MRPS23: variants seen among roughly 807,000 people sequenced by gnomAD.
MRPS23 encodes mitochondrial ribosomal protein S23.
A neutral mutation model predicts 19.8 loss-of-function variants in MRPS23; 14 were observed. The ratio of observed to expected loss-of-function variants is 0.71; its 90% CI spans 0.47 to 1.11. MRPS23 has a LOEUF of 1.11. MRPS23 is among the 50% of genes least tolerant of loss of function. The probability of loss-of-function intolerance (pLI) is 0.00; values close to 1 mark genes in which losing one functional copy is unlikely to be tolerated. For missense variants in MRPS23, 242 were observed against 236.7 expected, an observed-to-expected ratio of 1.02 and a Z score of -0.15; for synonymous variants, 113 against 89.7, an observed-to-expected ratio of 1.26 and a Z score of -1.47.
rs564603396 is a variant in MRPS23 at position 57,839,115 on chromosome 17, G to C, written c.*668C>G. The C allele has an allele frequency of 3.9e-5, 6 of 152,290 alleles. No homozygotes were observed. Among genetic ancestry groups the C allele is most frequent in the Non-Finnish European group, 5.9e-5 (4 of 68,034 alleles). The allele number at this position is 152,290 out of a possible 1,614,324, so 9.4% of individuals were successfully genotyped here. On this transcript the variant is annotated 3_prime_UTR_variant, in exon 5 of 5. Transcript: ENST00000313608. ...ACCATATGAATCCAGTCTTTAGCTG[G>C]ATATAACCATTCGTTCACTCATTCA...
Position 57,838,362 on chromosome 17 carries a change from G to A in MRPS23, c.*1421C>T, listed in dbSNP as rs1216310478. 2.1e-5 allele frequency: 3 copies of A among 141,000 alleles called. No homozygotes were observed. The highest frequency in any genetic ancestry group is 7.8e-5 in the African/African-American group (3 of 38,560). 8.7% of individuals were successfully genotyped at this position (141,000 alleles called of 1,614,324 possible). A position where few individuals can be genotyped will look rare whatever the true frequency, so the allele number is the denominator to read the frequency against. ...GAAAACAAACAAAAATAGCAAAAAT[G>A]GGACATCAATCCAGACATGAAGGAA... On this transcript the variant is annotated 3_prime_UTR_variant, in exon 5 of 5. Transcript: ENST00000313608.
intron 1 of MRPS23, 90 bp from the exon 2 acceptor site, chr17:57,849,500 T>G: frequency 6.8e-7 from 1 of 1,469,780 alleles, no homozygotes; most frequent in Non-Finnish European, 9.2e-7. Flanking sequence ...ACATTAAAGG[T>G]ATTATGCGGT....
intron 2 of MRPS23, among the ~76,000 whole-genome samples, chr17:57,841,594 T>G (rs1423260416): frequency 6.6e-6 from 1 of 152,254 alleles, no homozygotes; most frequent in African/African-American, 2.4e-5. Context: ...ATATATGCAC[T>G]ATCATTCCCT....
In MRPS23 at chr17:57,837,710, A is replaced by T. The variant is rs1046709134; in HGVS notation, c.*2073T>A. 1 of 152,292 alleles carries T rather than the reference A, an allele frequency of 6.6e-6. No individual in the cohort carries two copies. The allele number at this position is 152,292 out of a possible 1,614,324, so 9.4% of individuals were successfully genotyped here. The stretch of plus-strand genomic sequence containing the variant: ...CCCCAGTACGGTCGCTCAGGCCTGT[A>T]ATCCCAGCACTTTGGGCGGCTGAGG... On this transcript the variant is annotated 3_prime_UTR_variant, in exon 5 of 5. Coordinates refer to ENST00000313608, the MANE Select transcript of MRPS23 (RefSeq NM_016070.4).
chr17:57,847,742 GCTGGAGTGCAGTGGTGCACTCTCAGCTCA>G (rs1203667293), intron 2 of MRPS23, among the ~76,000 whole-genome samples: 6 of 150,254 alleles, frequency 4.0e-5, no homozygotes, highest in African/African-American at 1.5e-4. Flanking sequence ...TGTTGCCCAG[GCTGGAGTGCAGTGGTGCACTCTCAGCTCA>G]CTGCAACCTC....
intron 2 of MRPS23, among the ~76,000 whole-genome samples, chr17:57,846,640 T>C (rs578143955): frequency 6.6e-6 from 1 of 152,160 alleles, no homozygotes; most frequent in Non-Finnish European, 1.5e-5. Context: ...CTCTGAAACA[T>C]GTGCTGTGTC....
intron 1 of MRPS23, 101 bp from the exon 2 acceptor site, chr17:57,849,511 C>T: frequency 7.2e-7 from 1 of 1,395,048 alleles, no homozygotes; most frequent in Admixed American, 2.2e-5. Flanking sequence ...ATTATGCGGT[C>T]TGCAACACAG....
intron 2 of MRPS23, among the ~76,000 whole-genome samples, chr17:57,844,821 A>G (rs1369947162): frequency 2.0e-5 from 3 of 151,966 alleles, no homozygotes; most frequent in African/African-American, 4.8e-5. Context: ...GGACAAGTAA[A>G]CTATTCCACA....
At chr17:57,848,337 AAGAG>A (rs1358373532) in intron 2 of MRPS23, among the ~76,000 whole-genome samples, 1 of 148,992 alleles carries the variant, frequency 6.7e-6, no homozygotes, top group African/African-American at 2.4e-5. Flanking sequence ...AAGAAAAAAA[AAGAG>A]AAAAGGGATG....
intron 2 of MRPS23, among the ~76,000 whole-genome samples, chr17:57,844,168 A>T (rs1288456007): frequency 6.8e-6 from 1 of 146,840 alleles, no homozygotes; most frequent in Non-Finnish European, 1.5e-5. Flanking sequence ...CCATGTTGCC[A>T]GGCTGTTGTG....
chr17:57,840,982 C>T lies in MRPS23; in HGVS notation c.364G>A (p.Gly122Arg). ...TDEEKLFVET[G>R]KALLAEGVIL... is the part of the protein sequence containing the mutation. ...ACACCTTCTGCCAATAAAGCCTTCC[C>T]TGTTTCCACAAATAACTTCTCTTCA... The change falls in exon 4 of 5, where the codon GGG (glycine) becomes AGG (arginine). Residue 122 changes from glycine (G) to arginine (R), a missense_variant. Transcript: ENST00000313608. 6.2e-7 allele frequency: 1 copy of T among 1,614,216 alleles called. No homozygotes were observed. Among genetic ancestry groups the T allele is most frequent in the Non-Finnish European group, 8.5e-7 (1 of 1,180,046 alleles).
In MRPS23 at chr17:57,849,351, T is replaced by C; in HGVS notation, c.104A>G (p.Tyr35Cys). Residue 35 changes from tyrosine (Y) to cysteine (C), a missense_variant, in exon 2 of 5, where the codon TAT (tyrosine) becomes TGT (cysteine). By Grantham distance (194) the Tyr-to-Cys change is radical. Coordinates refer to ENST00000313608, the MANE Select transcript of MRPS23 (RefSeq NM_016070.4). ...CTCCCTCAGCGGGGGAAAGGCGTCATATACGTCAAACCACAGGGGCTTCTC... is the reference window on the plus strand; with the variant it reads ...CTCCCTCAGCGGGGGAAAGGCGTCACATACGTCAAACCACAGGGGCTTCTC... ...LKEKPLWFDV[Y>C]DAFPPLREPV... is the part of the protein sequence containing the mutation. 1 of 1,614,166 alleles carries C rather than the reference T, an allele frequency of 6.2e-7. No homozygotes were observed.
Position 57,849,256 on chromosome 17 carries a change from C to G in MRPS23, c.199G>C (p.Glu67Gln), listed in dbSNP as rs765967411. Residue 67 changes from glutamate to glutamine, a missense_variant, in exon 2 of 5, where the codon GAG (glutamate) becomes CAG (glutamine). Coordinates refer to ENST00000313608, the MANE Select transcript of MRPS23 (RefSeq NM_016070.4). ...AGCACTCACGCTCTAATCCGATCCT[C>G]GTGGTACCAGATGTCTTGGATGGGA... is the stretch of plus-strand genomic sequence containing the variant. ...KAPIQDIWYH[E>Q]DRIRAKFYSV... The G allele has an allele frequency of 5.0e-6, 8 of 1,614,120 alleles. No individual in the cohort carries two copies. The highest frequency in any genetic ancestry group is 2.7e-5 in the African/African-American group (2 of 74,952).
chr17:57,842,699 C>A (rs1038311682), intron 2 of MRPS23, among the ~76,000 whole-genome samples: 1 of 151,814 alleles, frequency 6.6e-6, no homozygotes. Context: ...AGGTAATATA[C>A]GAGCACCTAT....
At position 57,839,326 on chromosome 17, in the gene MRPS23, A is replaced by T. The variant is rs2073726374; in HGVS notation, c.*457T>A. On this transcript the variant is annotated 3_prime_UTR_variant, in exon 5 of 5. Transcript: ENST00000313608. The stretch of plus-strand genomic sequence containing the variant: ...AGTGGAGAGATAATCGTTCTATAGC[A>T]AGAAGTACAAAGATTCTCTGCAGAC... 1 of 153,056 alleles carries T rather than the reference A, an allele frequency of 6.5e-6. No individual in the cohort carries two copies. The highest frequency in any genetic ancestry group is 1.5e-5 in the Non-Finnish European group (1 of 68,642). 9.5% of individuals were successfully genotyped at this position (153,056 alleles called of 1,614,324 possible).
In MRPS23 at chr17:57,839,627, T is replaced by C. The variant is rs1490408682; in HGVS notation, c.*156A>G. 13 of 872,456 alleles carry C rather than the reference T, an allele frequency of 1.5e-5. No individual in the cohort carries two copies. The highest frequency in any genetic ancestry group is 2.2e-5 in the Non-Finnish European group (13 of 591,730). 54.0% of individuals were successfully genotyped at this position (872,456 alleles called of 1,614,324 possible). On this transcript the variant is annotated 3_prime_UTR_variant, in exon 5 of 5. Transcript: ENST00000313608. ...CATAACTGCTTCTGTCAAACCATGATACTGAGCTTTGTGACAACCCAGAAA... is the reference window on the plus strand; with the variant it reads ...CATAACTGCTTCTGTCAAACCATGACACTGAGCTTTGTGACAACCCAGAAA...
chr17:57,846,884 C>T (rs929048904), intron 2 of MRPS23, among the ~76,000 whole-genome samples: 2 of 150,366 alleles, frequency 1.3e-5, no homozygotes, highest in African/African-American at 4.9e-5. Flanking sequence ...AAATCCCCCT[C>T]TCCGAGAAAC....
intron 1 of MRPS23, 116 bp downstream of exon 1, chr17:57,849,851 C>T: frequency 7.7e-7 from 1 of 1,291,752 alleles, no homozygotes; most frequent in Non-Finnish European, 1.1e-6. Flanking sequence ...AGCTCAGCCC[C>T]CGCACCCTGC....
intron 2 of MRPS23, 106 bp downstream of exon 2, chr17:57,849,134 G>A (rs2073795154): frequency 6.8e-7 from 1 of 1,463,722 alleles, no homozygotes; most frequent in Non-Finnish European, 9.3e-7. Context: ...CTTCTCCACA[G>A]GGCAAACCCC....
Sources: gnomAD v4.1 joint callset for allele counts (sites outside exome capture counted in the v4.1 genomes callset) on GRCh38, gnomAD v4.1.1 for gene constraint, MANE v1.5 for transcripts, NCBI Gene and HGNC (gene_info 2026-07-23, HGNC 2026-07-21) for gene names.